ODAD2: variants seen among roughly 807,000 people sequenced by gnomAD.
ODAD2 encodes outer dynein arm-docking complex subunit 2.
ODAD2 carries 89 observed loss-of-function variants against 106.8 expected under a neutral mutation model. That is an observed-to-expected ratio of 0.83 (90% CI 0.70 to 0.99). The LOEUF (loss-of-function observed/expected upper bound fraction) is 0.99, where lower values mean the gene tolerates loss of function less well. Among genes scored for constraint, ODAD2 ranks in the 50% least tolerant of loss-of-function variants. The pLI is 0.00. For synonymous variants in ODAD2, 404 were observed against 436.2 expected (o/e 0.93, Z 0.92); for missense variants, 1,168 against 1,238.5 (o/e 0.94, Z 0.85).
chr10:27,857,338 T>C (rs1212330315), intron 19 of ODAD2, among the ~76,000 whole-genome samples: 5 of 152,212 alleles, frequency 3.3e-5, no homozygotes, highest in Admixed American at 3.3e-4. Context: ...ATACGAAATA[T>C]GTATTAATCA....
chr10:27,878,645 C>CT (rs531332900), intron 17 of ODAD2, among the ~76,000 whole-genome samples: 3 of 152,076 alleles, frequency 2.0e-5, no homozygotes, highest in African/African-American at 7.2e-5. Context: ...CACATACAAA[C>CT]TTTTTTTAAT....
In ODAD2 at chr10:27,921,252, G is replaced by C. The variant is rs1931891; in HGVS notation, c.2496-13475C>G. On this transcript the variant is annotated intron_variant, in intron 16 of 19. Transcript: ENST00000305242. ...TAAGGCTGCAGTGACCCCTCATCAT[G>C]CCACTGTACTTTAGCCTGGATGACA... Among the ~76,000 whole-genome samples, 449 of 150,402 alleles carry C rather than the reference G, an allele frequency of 3.0e-3. 5 individuals are homozygous for C. Among genetic ancestry groups the C allele is most frequent in the African/African-American group, 0.011 (437 of 40,932 alleles).
chr10:27,943,376 G>GA (rs146752110), intron 12 of ODAD2, among the ~76,000 whole-genome samples: 4,703 of 151,876 alleles, frequency 0.031, 254 homozygotes, highest in African/African-American at 0.11. Context: ...ATTTCTAGTG[G>GA]TTTTTTTTAA....
chr10:27,842,296 A>G (rs1236096906), intron 19 of ODAD2, among the ~76,000 whole-genome samples: 2 of 152,206 alleles, frequency 1.3e-5, no homozygotes, highest in Non-Finnish European at 2.9e-5. Flanking sequence ...TGGTGAATAG[A>G]AGGACAGGTC....
At chr10:27,902,926 G>T (rs1843314597) in intron 17 of ODAD2, among the ~76,000 whole-genome samples, 1 of 152,020 alleles carries the variant, frequency 6.6e-6, no homozygotes, top group African/African-American at 2.4e-5. Context: ...GAAAAAGAGG[G>T]ACTCCTCCCT....
At chr10:27,986,936 G>C (rs1210613113) in intron 3 of ODAD2, among the ~76,000 whole-genome samples, 2 of 152,230 alleles carry the variant, frequency 1.3e-5, no homozygotes, top group African/African-American at 4.8e-5. Flanking sequence ...GGCTGTCTCT[G>C]CTAAAGAAAG....
Position 27,995,175 on chromosome 10 carries a change from C to T in ODAD2, c.-33G>A. 3.1e-6 allele frequency: 5 copies of T among 1,612,984 alleles called. No homozygotes were observed. The highest frequency in any genetic ancestry group is 4.2e-6 in the Non-Finnish European group (5 of 1,179,352). On this transcript the variant is annotated 5_prime_UTR_variant, in exon 2 of 20. It adds an upstream start codon to the 5' untranslated region. Coordinates refer to ENST00000305242, the MANE Select transcript of ODAD2 (RefSeq NM_018076.5). ...ACCGTGCTCAGACCTGAGCTTAGCACACGCACTACATCAGAGCAGAAAGAG... is the reference window on the plus strand; with the variant it reads ...ACCGTGCTCAGACCTGAGCTTAGCATACGCACTACATCAGAGCAGAAAGAG...
intron 17 of ODAD2, among the ~76,000 whole-genome samples, chr10:27,905,341 A>G (rs1401858214): frequency 2.6e-5 from 4 of 152,232 alleles, no homozygotes; most frequent in African/African-American, 9.6e-5. Flanking sequence ...GGAGAACTAC[A>G]AACCACTGCT....
rs570905719 is a variant in ODAD2 at position 27,988,636 on chromosome 10, C to A, written c.225-1093G>T. 3.2e-3 allele frequency among the ~76,000 whole-genome samples: 484 copies of A among 152,162 alleles called. 11 individuals carry two copies. In the Middle Eastern group the frequency reaches 0.034, roughly 11 times the overall value. ...TACAGGCGTGAGCTACCACACCTGG[C>A]CTGATCTAACATATTTTGAATTGCA... On this transcript the variant is annotated intron_variant, in intron 2 of 19. Transcript: ENST00000305242.
At chr10:27,965,024 C>G (rs994174470) in intron 9 of ODAD2, among the ~76,000 whole-genome samples, 1 of 152,156 alleles carries the variant, frequency 6.6e-6, no homozygotes, top group Non-Finnish European at 1.5e-5. Flanking sequence ...GGACAGGAGG[C>G]AACAGTCAGT....
intron 9 of ODAD2, among the ~76,000 whole-genome samples, chr10:27,965,208 A>G (rs1848411348): frequency 6.6e-6 from 1 of 152,220 alleles, no homozygotes; most frequent in South Asian, 2.1e-4. Context: ...ACAGAGGGTT[A>G]CACTAGCCTC....
At chr10:27,990,117 CTT>C (rs1431103779) in intron 2 of ODAD2, among the ~76,000 whole-genome samples, 1 of 152,010 alleles carries the variant, frequency 6.6e-6, no homozygotes, top group Non-Finnish European at 1.5e-5. Flanking sequence ...AGAAAAGTGT[CTT>C]TTTTCTTTAA....
intron 17 of ODAD2, among the ~76,000 whole-genome samples, chr10:27,879,424 T>A (rs1324401982): frequency 6.6e-6 from 1 of 151,654 alleles, no homozygotes; most frequent in South Asian, 2.1e-4. Flanking sequence ...GTCTTTTATA[T>A]AGGAATATAT....
At chr10:27,818,823 C>T (rs957389191) in intron 19 of ODAD2, among the ~76,000 whole-genome samples, 1 of 152,130 alleles carries the variant, frequency 6.6e-6, no homozygotes, top group Non-Finnish European at 1.5e-5. Context: ...GTCCATAGCT[C>T]AACTACCTGA....
chr10:27,927,407 T>C (rs1845328477), intron 16 of ODAD2, among the ~76,000 whole-genome samples: 1 of 152,260 alleles, frequency 6.6e-6, no homozygotes, highest in South Asian at 2.1e-4. Flanking sequence ...ATTTGTCATT[T>C]CCTTACCATG....
chr10:27,863,891 AGAGGTGAGATCTT>A (rs1840251276), intron 17 of ODAD2, among the ~76,000 whole-genome samples: 1 of 152,116 alleles, frequency 6.6e-6, no homozygotes, highest in Non-Finnish European at 1.5e-5. Flanking sequence ...GTGAGACTTA[AGAGGTGAGATCTT>A]GAAGGGTCTC....
chr10:27,831,616 G>A (rs74640132), intron 19 of ODAD2, among the ~76,000 whole-genome samples: 3,323 of 152,298 alleles, frequency 0.022, 42 homozygotes, highest in Middle Eastern at 0.048. Flanking sequence ...TTGAACCCAA[G>A]CCCTAGATTC....
intron 14 of ODAD2, 132 bp downstream of exon 14, chr10:27,939,764 TA>T (rs974069939): frequency 6.2e-6 from 3 of 481,728 alleles, no homozygotes; most frequent in Admixed American, 8.4e-5. Context: ...AATTAAAACT[TA>T]AAAAAATCAA....
At chr10:27,820,724 T>C (rs543549011) in intron 19 of ODAD2, among the ~76,000 whole-genome samples, 1 of 151,782 alleles carries the variant, frequency 6.6e-6, no homozygotes, top group East Asian at 1.9e-4. Flanking sequence ...CTATATCCCA[T>C]ATGCTGGTTG....
Sources: gnomAD v4.1 joint callset for allele counts (sites outside exome capture counted in the v4.1 genomes callset) on GRCh38, gnomAD v4.1.1 for gene constraint, MANE v1.5 for transcripts, NCBI Gene and HGNC (gene_info 2026-07-23, HGNC 2026-07-21) for gene names.